Variants in ZDHHC17 observed in about 807,000 individuals in gnomAD.
The protein encoded by ZDHHC17 is zDHHC palmitoyltransferase 17.
Under a neutral mutation model 90.3 loss-of-function variants are expected in ZDHHC17, and 40 were observed. That is an observed-to-expected ratio of 0.44 (90% CI 0.34 to 0.58). The LOEUF (loss-of-function observed/expected upper bound fraction) is 0.58, where lower values mean the gene tolerates loss of function less well. Among genes scored for constraint, ZDHHC17 ranks in the 20% least tolerant of loss-of-function variants. ZDHHC17 has a pLI of 0.01. For missense variants in ZDHHC17, 614 were observed against 780.8 expected (o/e 0.79, Z 2.55); for synonymous variants, 235 against 252.4 (o/e 0.93, Z 0.65).
chr12:76,780,178 A>C (rs1032166523), intron 1 of ZDHHC17, among the ~76,000 whole-genome samples: 1 of 152,090 alleles, frequency 6.6e-6, no homozygotes, highest in Admixed American at 6.6e-5. Context: ...TCTATTGTCT[A>C]CTTGCTGGGA....
At chr12:76,792,955 T>C (rs1952777063) in intron 1 of ZDHHC17, among the ~76,000 whole-genome samples, 1 of 152,168 alleles carries the variant, frequency 6.6e-6, no homozygotes, top group South Asian at 2.1e-4. Context: ...AATCACCAAC[T>C]GACCTCTAAC....
intron 2 of ZDHHC17, among the ~76,000 whole-genome samples, chr12:76,799,654 T>C (rs1044643703): frequency 6.6e-6 from 1 of 152,242 alleles, no homozygotes; most frequent in Non-Finnish European, 1.5e-5. Flanking sequence ...AAAAATGATC[T>C]GAACAATTTG....
In ZDHHC17 at chr12:76,826,905, C is replaced by T. The variant is rs1221576693; in HGVS notation, c.898-3C>T. On this transcript the variant is annotated splice_polypyrimidine_tract_variant and splice_region_variant and intron_variant, in intron 8 of 16. Coordinates refer to ENST00000426126, the MANE Select transcript of ZDHHC17 (RefSeq NM_015336.4). The stretch of plus-strand genomic sequence containing the variant: ...ACTTTTCTAATTTTTTGTTTCTATA[C>T]AGGAATTTCGGCAGAAAGTAATGTT... 1.3e-6 allele frequency: 2 copies of T among 1,514,560 alleles called. No homozygotes were observed. Among genetic ancestry groups the T allele is most frequent in the Non-Finnish European group, 1.8e-6 (2 of 1,142,498 alleles). 93.8% of individuals were successfully genotyped at this position (1,514,560 alleles called of 1,614,324 possible). A position where few individuals can be genotyped will look rare whatever the true frequency, so the allele number is the denominator to read the frequency against.
intron 1 of ZDHHC17, among the ~76,000 whole-genome samples, chr12:76,773,979 T>C (rs1952525656): frequency 6.6e-6 from 1 of 152,302 alleles, no homozygotes. Flanking sequence ...CTGAGTGCGG[T>C]GGCTTGTGCC....
chr12:76,764,471 G>T, intron 1 of ZDHHC17, 142 bp downstream of exon 1: 1 of 768,070 alleles, frequency 1.3e-6, no homozygotes, highest in South Asian at 1.8e-5. Context: ...ATCCAGGCCT[G>T]AGCGCGGCTG....
At chr12:76,772,608 C>T (rs552648607) in intron 1 of ZDHHC17, among the ~76,000 whole-genome samples, 2 of 124,584 alleles carry the variant, frequency 1.6e-5, no homozygotes, top group Admixed American at 9.1e-5. Context: ...AATCTCAGCT[C>T]ACTACAACCT....
intron 1 of ZDHHC17, among the ~76,000 whole-genome samples, chr12:76,788,457 T>C (rs1176907324): frequency 2.0e-5 from 3 of 152,140 alleles, no homozygotes; most frequent in Non-Finnish European, 4.4e-5. Flanking sequence ...GATTAATACA[T>C]GTGACTATAA....
At chr12:76,848,481 C>T in intron 15 of ZDHHC17, 91 bp downstream of exon 15, 1 of 1,275,220 alleles carries the variant, frequency 7.8e-7, no homozygotes, top group Non-Finnish European at 1.1e-6. Context: ...CCTAACCACT[C>T]CTGCTCTTCA....
In ZDHHC17 at chr12:76,769,416, T is replaced by C. The variant is rs555789455; in HGVS notation, c.93+5087T>C. On this transcript the variant is annotated intron_variant, in intron 1 of 16. Coordinates refer to ENST00000426126, the MANE Select transcript of ZDHHC17 (RefSeq NM_015336.4). Reference sequence around the variant, plus strand: ...CCATTTTCTATTACTTTTTGCCCTATTATGTATATATTATATGTGTGTGTG... The same window carrying C: ...CCATTTTCTATTACTTTTTGCCCTACTATGTATATATTATATGTGTGTGTG... 1.0e-3 allele frequency among the ~76,000 whole-genome samples: 155 copies of C among 152,276 alleles called. 3 individuals carry two copies. The highest frequency in any genetic ancestry group is 6.8e-3 in the Middle Eastern group (2 of 292).
intron 10 of ZDHHC17, among the ~76,000 whole-genome samples, chr12:76,830,601 C>T (rs1953288350): frequency 1.3e-5 from 2 of 152,216 alleles, no homozygotes; most frequent in South Asian, 4.1e-4. Flanking sequence ...TAAAACAGAT[C>T]TGTTGGTTTT....
At position 76,822,550 on chromosome 12, in the gene ZDHHC17, A is replaced by ATTT. The variant is rs10618043; in HGVS notation, c.897+38_897+40dup. The ATTT allele has an allele frequency of 1.7e-4, 201 of 1,215,034 alleles. No individual in the cohort carries two copies. Among genetic ancestry groups the ATTT allele is most frequent in the Middle Eastern group, 4.4e-4 (2 of 4,568 alleles). 75.3% of individuals were successfully genotyped at this position (1,215,034 alleles called of 1,614,324 possible). On this transcript the variant is annotated intron_variant, in intron 8 of 16. Coordinates refer to ENST00000426126, the MANE Select transcript of ZDHHC17 (RefSeq NM_015336.4). ...TGATAAGGTAAACTCATAACTGAAG[A>ATTT]TTTTTTTTTTTTTTTTTTTTTGAGA...
chr12:76,834,666 C>T (rs928625247), intron 10 of ZDHHC17, among the ~76,000 whole-genome samples: 4 of 152,104 alleles, frequency 2.6e-5, no homozygotes, highest in South Asian at 4.1e-4. Flanking sequence ...ACAAGAGTTT[C>T]TCTGAGGTTA....
At chr12:76,765,518 C>A (rs1217830482) in intron 1 of ZDHHC17, among the ~76,000 whole-genome samples, 1 of 152,136 alleles carries the variant, frequency 6.6e-6, no homozygotes. Context: ...CTTGTCTGAC[C>A]AAAGTGGTAA....
At chr12:76,819,993 T>TAAAA (rs71085459) in intron 7 of ZDHHC17, among the ~76,000 whole-genome samples, 1 of 140,784 alleles carries the variant, frequency 7.1e-6, no homozygotes, top group African/African-American at 2.6e-5. Flanking sequence ...AACTATGTCT[T>TAAAA]AAAAAAAAAA....
intron 9 of ZDHHC17, 73 bp downstream of exon 9, chr12:76,827,123 AAT>A: frequency 7.0e-7 from 1 of 1,422,272 alleles, no homozygotes; most frequent in Non-Finnish European, 9.3e-7. Flanking sequence ...GTATAAAATT[AAT>A]GTTTGTATGT....
Position 76,791,480 on chromosome 12 carries a change from C to T in ZDHHC17, c.94-5954C>T, listed in dbSNP as rs148622873. ...AATTTTTTTTAAAAGGAGCTTTATA[C>T]GTATGCTTTTTGTTTTATTTTGTTT... is the stretch of plus-strand genomic sequence containing the variant. On this transcript the variant is annotated intron_variant, in intron 1 of 16. Coordinates refer to ENST00000426126, the MANE Select transcript of ZDHHC17 (RefSeq NM_015336.4). Among the ~76,000 whole-genome samples, 483 of 152,072 alleles carry T rather than the reference C, an allele frequency of 3.2e-3. 4 individuals are homozygous for T. The highest frequency in any genetic ancestry group is 0.01 in the African/African-American group (432 of 41,452).
intron 5 of ZDHHC17, among the ~76,000 whole-genome samples, chr12:76,810,667 G>A (rs1953009049): frequency 6.6e-6 from 1 of 151,788 alleles, no homozygotes. Flanking sequence ...TATAGTTTAG[G>A]AAAAGAGGCA....
chr12:76,792,591 C>T (rs1300216337), intron 1 of ZDHHC17, among the ~76,000 whole-genome samples: 1 of 151,992 alleles, frequency 6.6e-6, no homozygotes, highest in African/African-American at 2.4e-5. Flanking sequence ...CTATCTGCTA[C>T]CTATAGTAGC....
intron 1 of ZDHHC17, among the ~76,000 whole-genome samples, chr12:76,791,668 A>G (rs1215152529): frequency 8.5e-5 from 13 of 152,280 alleles, no homozygotes; most frequent in East Asian, 1.9e-4. Flanking sequence ...ATACTATACT[A>G]TACATCTGGG....
Sources: allele counts gnomAD v4.1 joint callset (sites outside exome capture counted in the v4.1 genomes callset), GRCh38; gene constraint gnomAD v4.1.1; transcripts MANE v1.5; gene names NCBI Gene and HGNC (gene_info 2026-07-23, HGNC 2026-07-21).